Variants in SYT1 observed in about 807,000 individuals in gnomAD.
SYT1 encodes synaptotagmin-1.
In SYT1, 8 loss-of-function variants were observed where a neutral mutation model predicts 44.8. The observed-to-expected ratio is 0.18, with a 90% CI of 0.10 to 0.32. The LOEUF is 0.32. Among genes scored for constraint, SYT1 ranks in the 10% least tolerant of loss-of-function variants. The pLI is 1.00. For synonymous variants in SYT1, 154 were observed against 188.8 expected, an observed-to-expected ratio of 0.82 and a Z score of 1.51; for missense variants, 286 against 509.3, an observed-to-expected ratio of 0.56 and a Z score of 4.22.
At chr12:79,377,121 T>A (rs543140363) in intron 9 of SYT1, among the ~76,000 whole-genome samples, 1 of 152,224 alleles carries the variant, frequency 6.6e-6, no homozygotes, top group Non-Finnish European at 1.5e-5. Flanking sequence ...TGTTTTGTTT[T>A]GTTTTTTTGA....
intron 6 of SYT1, among the ~76,000 whole-genome samples, chr12:79,295,216 A>G (rs1879823478): frequency 6.6e-6 from 1 of 152,150 alleles, no homozygotes. Flanking sequence ...CAAAATCTCT[A>G]ATGGCAGAGT....
rs534794821 is a variant in SYT1 at position 79,414,085 on chromosome 12, G to A, written c.929-29988G>A. Among the ~76,000 whole-genome samples the A allele has an allele frequency of 5.9e-5, 9 of 152,084 alleles. 1 individual carries two copies. Among genetic ancestry groups the A allele is most frequent in the Non-Finnish European group, 1.0e-4 (7 of 68,000 alleles). On this transcript the variant is annotated intron_variant, in intron 9 of 10. Coordinates refer to ENST00000261205, the MANE Select transcript of SYT1 (RefSeq NM_005639.3). ...CCATAAAATTATAAAACATTATTGG[G>A]GTTTGCCCATCCTCCAATTGTCTTG...
intron 2 of SYT1, among the ~76,000 whole-genome samples, chr12:78,996,519 G>C (rs1216108995): frequency 1.3e-5 from 2 of 152,180 alleles, no homozygotes; most frequent in Admixed American, 6.5e-5. Flanking sequence ...AACTTCCCTT[G>C]ATTGTTATTT....
intron 1 of SYT1, among the ~76,000 whole-genome samples, chr12:78,951,893 C>T (rs1394550974): frequency 1.3e-5 from 2 of 152,162 alleles, no homozygotes; most frequent in South Asian, 2.1e-4. Flanking sequence ...GTCTGCACTT[C>T]TGTCTGTTCT....
chr12:78,956,827 T>A (rs1194220050), intron 1 of SYT1, among the ~76,000 whole-genome samples: 1 of 152,108 alleles, frequency 6.6e-6, no homozygotes, highest in Non-Finnish European at 1.5e-5. Flanking sequence ...TCCTGGGAAT[T>A]TAAATGTACT....
At chr12:78,883,667 T>C (rs1874583858) in intron 1 of SYT1, among the ~76,000 whole-genome samples, 1 of 151,702 alleles carries the variant, frequency 6.6e-6, no homozygotes, top group African/African-American at 2.4e-5. Flanking sequence ...CAACTAATGT[T>C]TTGGATTATT....
chr12:79,256,413 AT>A (rs903587449), intron 4 of SYT1, among the ~76,000 whole-genome samples: 22 of 152,162 alleles, frequency 1.4e-4, no homozygotes, highest in African/African-American at 4.3e-4. Flanking sequence ...TATCCAGGGA[AT>A]TTTTTTTCTT....
chr12:79,435,283 A>C (rs903779348), intron 9 of SYT1, among the ~76,000 whole-genome samples: 2 of 152,172 alleles, frequency 1.3e-5, no homozygotes, highest in African/African-American at 4.8e-5. Flanking sequence ...AGATTCTAAA[A>C]TACAGGGACT....
intron 3 of SYT1, among the ~76,000 whole-genome samples, chr12:79,155,776 T>C (rs1870556028): frequency 2.6e-5 from 4 of 152,350 alleles, no homozygotes; most frequent in African/African-American, 7.2e-5. Flanking sequence ...GATGACTCCA[T>C]TTCAGAAGGG....
At chr12:78,966,011 AG>A (rs1429932329) in intron 1 of SYT1, among the ~76,000 whole-genome samples, 1 of 151,750 alleles carries the variant, frequency 6.6e-6, no homozygotes, top group Non-Finnish European at 1.5e-5. Flanking sequence ...CGGGCGGCAA[AG>A]ATTGCAGTGA....
Position 79,292,047 on chromosome 12 carries a change from G to A in SYT1, c.391G>A (p.Gly131Arg). 1 of 1,613,940 alleles carries A rather than the reference G, an allele frequency of 6.2e-7. No individual in the cohort carries two copies. Among genetic ancestry groups the A allele is most frequent in the South Asian group, 1.1e-5 (1 of 91,062 alleles). The change falls in exon 6 of 11, where the codon GGA becomes AGA. Residue 131 changes from glycine to arginine, a missense_variant. Around this residue, in one of 6 missense-constraint regions of SYT1, gnomAD observed 141 missense variants for 165.7 expected, o/e 0.85. Coordinates refer to ENST00000261205, the MANE Select transcript of SYT1 (RefSeq NM_005639.3). Reference protein sequence around the residue: ...DDDAETGLTDGEEKEEPKEEE... With the variant: ...DDDAETGLTDREEKEEPKEEE... Reference sequence around the variant, plus strand: ...TGATGCTGAAACTGGATTGACAGATGGAGAAGAAAAAGAAGAACCCAAAGA... The same window carrying A: ...TGATGCTGAAACTGGATTGACAGATAGAGAAGAAAAAGAAGAACCCAAAGA...
intron 9 of SYT1, among the ~76,000 whole-genome samples, chr12:79,435,255 C>G (rs543194691): frequency 6.6e-6 from 1 of 152,254 alleles, no homozygotes; most frequent in East Asian, 1.9e-4. Context: ...GGGAACAGAC[C>G]AAACTGCTGT....
At chr12:79,091,822 C>T (rs1349384404) in intron 3 of SYT1, among the ~76,000 whole-genome samples, 1 of 151,852 alleles carries the variant, frequency 6.6e-6, no homozygotes, top group Non-Finnish European at 1.5e-5. Flanking sequence ...TCGAGTTCCC[C>T]CCTTTTTACC....
intron 9 of SYT1, among the ~76,000 whole-genome samples, chr12:79,390,112 T>G (rs1418106831): frequency 6.6e-6 from 1 of 152,034 alleles, no homozygotes; most frequent in Admixed American, 6.6e-5. Flanking sequence ...TTTTTGTCTT[T>G]TTAATAGAGA....
intron 3 of SYT1, among the ~76,000 whole-genome samples, chr12:79,162,333 T>C (rs1870996840): frequency 6.6e-6 from 1 of 152,104 alleles, no homozygotes; most frequent in Non-Finnish European, 1.5e-5. Flanking sequence ...CTATGCAAGC[T>C]AAAGAAAAAA....
chr12:79,358,972 T>A (rs893343086), intron 9 of SYT1, among the ~76,000 whole-genome samples: 14 of 152,184 alleles, frequency 9.2e-5, no homozygotes, highest in African/African-American at 2.9e-4. Context: ...CACTTGTGGT[T>A]TCTGGCAGAT....
chr12:79,248,306 A>G (rs1465369802), intron 4 of SYT1, among the ~76,000 whole-genome samples: 3 of 152,230 alleles, frequency 2.0e-5, no homozygotes, highest in Non-Finnish European at 4.4e-5. Context: ...TAAAATAAAA[A>G]TATATTAGAA....
At chr12:78,971,368 G>C (rs1868377782) in intron 1 of SYT1, among the ~76,000 whole-genome samples, 1 of 152,100 alleles carries the variant, frequency 6.6e-6, no homozygotes, top group East Asian at 1.9e-4. Flanking sequence ...AAGGACTAGA[G>C]AAAGTGAAGG....
chr12:79,172,847 C>T (rs1871612103), intron 3 of SYT1, among the ~76,000 whole-genome samples: 1 of 151,250 alleles, frequency 6.6e-6, no homozygotes. Flanking sequence ...ATACTATGAT[C>T]ATTTGATAAT....
Sources: gnomAD v4.1 joint callset for allele counts (sites outside exome capture counted in the v4.1 genomes callset) on GRCh38, gnomAD v4.1.1 for gene constraint, gnomAD v4.1.1 regional missense constraint, MANE v1.5 for transcripts, NCBI Gene and HGNC (gene_info 2026-07-23, HGNC 2026-07-21) for gene names.